Variants in DNAJA3 observed in about 807,000 individuals in gnomAD.
DNAJA3 encodes the protein DnaJ heat shock protein family (Hsp40) member A3.
Under a neutral mutation model 54.9 loss-of-function variants are expected in DNAJA3, and 29 were observed. The ratio of observed to expected loss-of-function variants is 0.53; its 90% CI spans 0.39 to 0.72. The LOEUF (loss-of-function observed/expected upper bound fraction) is 0.72. Among genes scored for constraint, DNAJA3 ranks in the 30% least tolerant of loss-of-function variants. The pLI is 0.00. For synonymous variants in DNAJA3, 302 were observed against 251.4 expected, an observed-to-expected ratio of 1.20 and a Z score of -1.90; for missense variants, 708 against 639.4, an observed-to-expected ratio of 1.11 and a Z score of -1.16.
intron 7 of DNAJA3, among the ~76,000 whole-genome samples, chr16:4,446,554 T>TAA (rs879324832): frequency 6.8e-6 from 1 of 147,158 alleles, no homozygotes; most frequent in Non-Finnish European, 1.5e-5. Flanking sequence ...AAAGTAAGAT[T>TAA]AAAAAAAAAA....
intron 3 of DNAJA3, 91 bp downstream of exon 3, chr16:4,437,576 A>G (rs2056786681): frequency 3.8e-6 from 4 of 1,054,760 alleles, no homozygotes; most frequent in Non-Finnish European, 5.8e-6. Context: ...CTGGTGTGTC[A>G]TACAGTCCAG....
In DNAJA3 at chr16:4,444,730, T is replaced by A; in HGVS notation, c.996+2T>A. ...AGGGAAATTTTCATTACGTTCAGGG[T>A]AGGTGCCCTGCCCCGCACAGCTTCT... On this transcript the variant is annotated splice_donor_variant, in intron 7 of 11. Coordinates refer to ENST00000262375, the MANE Select transcript of DNAJA3 (RefSeq NM_005147.6). LOFTEE classifies it high-confidence loss of function. 6.2e-7 allele frequency: 1 copy of A among 1,613,644 alleles called. No individual in the cohort carries two copies. The highest frequency in any genetic ancestry group is 8.5e-7 in the Non-Finnish European group (1 of 1,179,632).
At chr16:4,429,703 G>A (rs568228336) in intron 1 of DNAJA3, among the ~76,000 whole-genome samples, 18 of 152,218 alleles carry the variant, frequency 1.2e-4, no homozygotes, top group African/African-American at 3.8e-4. Flanking sequence ...GCCTGGTGGC[G>A]CATGCCTGTA....
chr16:4,452,107 C>G (rs1183387134), intron 10 of DNAJA3, among the ~76,000 whole-genome samples: 1 of 151,950 alleles, frequency 6.6e-6, no homozygotes, highest in Non-Finnish European at 1.5e-5. Flanking sequence ...CCACAAAACT[C>G]TGTAGCCCAA....
intron 10 of DNAJA3, among the ~76,000 whole-genome samples, chr16:4,454,419 T>A (rs188646693): frequency 9.3e-4 from 141 of 152,340 alleles, no homozygotes; most frequent in African/African-American, 3.3e-3. Context: ...CTGTGCCTCC[T>A]TTTTTTGTTT....
At chr16:4,448,138 C>CT (rs1191898403) in intron 8 of DNAJA3, among the ~76,000 whole-genome samples, 2 of 146,280 alleles carry the variant, frequency 1.4e-5, no homozygotes, top group Non-Finnish European at 1.5e-5. Flanking sequence ...AAGCGATTCC[C>CT]ACCTCAGCCT....
At chr16:4,427,882 T>G (rs1452258994) in intron 1 of DNAJA3, among the ~76,000 whole-genome samples, 4 of 151,922 alleles carry the variant, frequency 2.6e-5, no homozygotes, top group African/African-American at 9.7e-5. Flanking sequence ...TGGGCTAAAG[T>G]GATTCCCTTG....
At chr16:4,438,432 T>C (rs1319857734) in intron 3 of DNAJA3, among the ~76,000 whole-genome samples, 1 of 152,170 alleles carries the variant, frequency 6.6e-6, no homozygotes, top group African/African-American at 2.4e-5. Flanking sequence ...CAGCCCTTAT[T>C]CAATGACATC....
intron 6 of DNAJA3, among the ~76,000 whole-genome samples, chr16:4,443,907 C>T (rs2056869661): frequency 6.6e-6 from 1 of 152,146 alleles, no homozygotes; most frequent in Non-Finnish European, 1.5e-5. Context: ...AGGATGGTCT[C>T]GATCTCCTGA....
intron 1 of DNAJA3, chr16:4,430,661 A>C (rs1255488493): frequency 2.0e-5 from 3 of 152,176 alleles, no homozygotes; most frequent in Non-Finnish European, 4.4e-5. Flanking sequence ...TAAAAAGGAC[A>C]GGACATTTAC....
intron 11 of DNAJA3, 130 bp downstream of exon 11, chr16:4,455,057 A>G: frequency 1.5e-6 from 1 of 671,170 alleles, no homozygotes; most frequent in South Asian, 1.8e-5. Flanking sequence ...AAGGTGTGGT[A>G]AACCTAGCTC....
At chr16:4,438,316 CAAA>C (rs200357632) in intron 3 of DNAJA3, among the ~76,000 whole-genome samples, 1 of 114,912 alleles carries the variant, frequency 8.7e-6, no homozygotes. Flanking sequence ...GACCCCGTCT[CAAA>C]AAAAAAAAAA....
At chr16:4,450,591 C>G (rs1017913324) in intron 10 of DNAJA3, 94 bp downstream of exon 10, 4 of 973,532 alleles carry the variant, frequency 4.1e-6, no homozygotes, top group Non-Finnish European at 6.0e-6. Flanking sequence ...GTTTCCACTT[C>G]GGGTTCTTCA....
At chr16:4,443,537 A>G (rs1183753554) in intron 6 of DNAJA3, among the ~76,000 whole-genome samples, 1 of 151,902 alleles carries the variant, frequency 6.6e-6, no homozygotes, top group Non-Finnish European at 1.5e-5. Flanking sequence ...TATCTACATC[A>G]GCCCCACGGA....
intron 3 of DNAJA3, among the ~76,000 whole-genome samples, chr16:4,439,372 G>T (rs2141379443): frequency 6.7e-6 from 1 of 149,378 alleles, no homozygotes; most frequent in East Asian, 2.0e-4. Flanking sequence ...AAAAAAAAAA[G>T]AGTTGAGGTC....
intron 5 of DNAJA3, 198 bp from the exon 6 acceptor site, chr16:4,442,819 T>C (rs1242807630): frequency 6.5e-6 from 4 of 613,916 alleles, no homozygotes; most frequent in East Asian, 2.8e-5. Flanking sequence ...TGATCTGGAG[T>C]GCAGAAGTTT....
At chr16:4,434,843 TCC>T (rs1183395982) in intron 2 of DNAJA3, among the ~76,000 whole-genome samples, 2 of 151,472 alleles carry the variant, frequency 1.3e-5, no homozygotes, top group African/African-American at 4.9e-5. Context: ...ATTTTTTGCA[TCC>T]AGATAAAAGT....
At position 4,455,587 on chromosome 16, in the gene DNAJA3, C is replaced by T; in HGVS notation, c.*55C>T. On this transcript the variant is annotated 3_prime_UTR_variant, in exon 12 of 12. Transcript: ENST00000262375. ...AAACTAGGCCGGGAAGCAGCAGCCC[C>T]TCCAAGGGCCAGGGCACCTGGGAGA... 6.4e-7 allele frequency: 1 copy of T among 1,551,776 alleles called. No homozygotes were observed. The highest frequency in any genetic ancestry group is 8.7e-7 in the Non-Finnish European group (1 of 1,146,982).
At chr16:4,453,370 G>A (rs558091875) in intron 10 of DNAJA3, among the ~76,000 whole-genome samples, 4 of 149,404 alleles carry the variant, frequency 2.7e-5, no homozygotes, top group Admixed American at 1.3e-4. Context: ...AGAGGGAACT[G>A]GGGGGGCTTG....
Sources: allele counts gnomAD v4.1 joint callset (sites outside exome capture counted in the v4.1 genomes callset), GRCh38; gene constraint gnomAD v4.1.1; transcripts MANE v1.5; gene names NCBI Gene and HGNC (gene_info 2026-07-23, HGNC 2026-07-21).